Variants in SLC25A13 observed in about 807,000 individuals in gnomAD.
The protein encoded by SLC25A13 is solute carrier family 25 member 13, also known as electrogenic aspartate/glutamate antiporter SLC25A13, mitochondrial.
A neutral mutation model predicts 85.5 loss-of-function variants in SLC25A13; 70 were observed. That is an observed-to-expected ratio of 0.82 (90% CI 0.68 to 1.00). The LOEUF is 1.00. SLC25A13 is among the 50% of genes least tolerant of loss of function. The probability of loss-of-function intolerance (pLI) is 0.00; values close to 1 mark genes in which losing one functional copy is unlikely to be tolerated. For missense variants in SLC25A13, 765 were observed against 819.8 expected (o/e 0.93, Z 0.82); for synonymous variants, 259 against 288.7 (o/e 0.90, Z 1.04).
At chr7:96,236,317 T>A (rs908070200) in intron 3 of SLC25A13, among the ~76,000 whole-genome samples, 1 of 151,552 alleles carries the variant, frequency 6.6e-6, no homozygotes, top group Non-Finnish European at 1.5e-5. Context: ...ACCGAGACTC[T>A]GCGTAGGAGG....
At chr7:96,122,058 G>C in intron 15 of SLC25A13, 61 bp from the exon 16 acceptor site, 1 of 1,604,632 alleles carries the variant, frequency 6.2e-7, no homozygotes, top group South Asian at 1.1e-5. Context: ...AAAAATAACT[G>C]TGCTTTGAAC....
chr7:96,174,320 C>T (rs993911156), intron 11 of SLC25A13, among the ~76,000 whole-genome samples: 4 of 152,158 alleles, frequency 2.6e-5, no homozygotes, highest in Non-Finnish European at 4.4e-5. Context: ...TGAGAAAAAA[C>T]GGGAATATGC....
intron 5 of SLC25A13, among the ~76,000 whole-genome samples, chr7:96,196,725 T>C (rs184943039): frequency 1.3e-4 from 20 of 152,334 alleles, no homozygotes; most frequent in Admixed American, 1.2e-3. Context: ...GCTAGATCTA[T>C]GTAGTTCTCT....
intron 15 of SLC25A13, among the ~76,000 whole-genome samples, chr7:96,129,682 A>C (rs934168010): frequency 1.3e-5 from 2 of 152,230 alleles, no homozygotes; most frequent in Admixed American, 1.3e-4. Flanking sequence ...CTTTTCATCT[A>C]TTAATTCACT....
rs539051018 is a variant in SLC25A13 at position 96,146,473 on chromosome 7, A to G, written c.1452+83T>C. 1.7e-5 allele frequency: 26 copies of G among 1,554,764 alleles called. No individual in the cohort carries two copies. The African/African-American group carries it at 3.0e-4, about 18-fold the overall frequency. On this transcript the variant is annotated intron_variant, in intron 14 of 17. Coordinates refer to ENST00000265631, the MANE Select transcript of SLC25A13 (RefSeq NM_014251.3). ...TCCAGGTGTAGAAATGCAAAAAAAAATGGATTTCATGTTGAAGAATAGTTT... is the reference window on the plus strand; with the variant it reads ...TCCAGGTGTAGAAATGCAAAAAAAAGTGGATTTCATGTTGAAGAATAGTTT...
rs117503247 is a variant in SLC25A13, at chr7:96,313,834, A to C, written c.15+8108T>G. On this transcript the variant is annotated intron_variant, in intron 1 of 17. Transcript: ENST00000265631. ...TAAGACCCTTTGTTAGATTCAGAAA[A>C]AGTGAAAGATTTCTAGATTTTTGCT... 5.8e-3 allele frequency among the ~76,000 whole-genome samples: 886 copies of C among 152,332 alleles called. 8 individuals are homozygous for C. Among genetic ancestry groups the C allele is most frequent in the Admixed American group, 0.015 (234 of 15,292 alleles).
At chr7:96,165,085 C>A (rs904347993) in intron 13 of SLC25A13, among the ~76,000 whole-genome samples, 2 of 152,166 alleles carry the variant, frequency 1.3e-5, no homozygotes, top group Admixed American at 1.3e-4. Flanking sequence ...GGTTACCATG[C>A]AATGCCTGCA....
intron 4 of SLC25A13, among the ~76,000 whole-genome samples, chr7:96,225,175 C>T (rs1339640556): frequency 6.6e-6 from 1 of 152,186 alleles, no homozygotes; most frequent in African/African-American, 2.4e-5. Flanking sequence ...GTAGCTACCA[C>T]CTGGTTCTTC....
chr7:96,284,768 C>T (rs1277932267), intron 2 of SLC25A13, among the ~76,000 whole-genome samples: 2 of 152,174 alleles, frequency 1.3e-5, no homozygotes, highest in African/African-American at 4.8e-5. Context: ...CAATATAAGA[C>T]GAGAATTTGT....
intron 13 of SLC25A13, chr7:96,166,970 A>G (rs1350421970): frequency 6.6e-6 from 1 of 152,232 alleles, no homozygotes; most frequent in Admixed American, 6.5e-5. Flanking sequence ...AACTCCCACA[A>G]CTACAACCCT....
At chr7:96,274,590 A>C (rs1261081362) in intron 3 of SLC25A13, among the ~76,000 whole-genome samples, 1 of 152,138 alleles carries the variant, frequency 6.6e-6, no homozygotes, top group African/African-American at 2.4e-5. Flanking sequence ...GCACATGCCT[A>C]TGTCCTGAAT....
At chr7:96,238,427 G>C (rs1796825247) in intron 3 of SLC25A13, among the ~76,000 whole-genome samples, 1 of 151,600 alleles carries the variant, frequency 6.6e-6, no homozygotes, top group African/African-American at 2.4e-5. Flanking sequence ...GTTTGCGGTA[G>C]AGTACTTTGT....
intron 14 of SLC25A13, among the ~76,000 whole-genome samples, chr7:96,136,209 C>T (rs1440199053): frequency 6.6e-6 from 1 of 152,122 alleles, no homozygotes; most frequent in Non-Finnish European, 1.5e-5. Context: ...TCTAGAAAAG[C>T]TTCTTTAAGG....
At chr7:96,148,260 C>G (rs1378452949) in intron 13 of SLC25A13, among the ~76,000 whole-genome samples, 1 of 152,132 alleles carries the variant, frequency 6.6e-6, no homozygotes, top group South Asian at 2.1e-4. Flanking sequence ...TGAGATGATA[C>G]ACCCACAGGC....
At chr7:96,277,412 GA>G in intron 2 of SLC25A13, 74 bp from the exon 3 acceptor site, 1 of 1,361,612 alleles carries the variant, frequency 7.3e-7, no homozygotes. Context: ...AGTGATATGT[GA>G]AAAAGTTGAA....
chr7:96,169,852 AGG>A (rs988019634), intron 13 of SLC25A13, 191 bp downstream of exon 13: 38 of 616,804 alleles, frequency 6.2e-5, no homozygotes, highest in Admixed American at 1.7e-4. Context: ...ACAGGCAGTA[AGG>A]TCAGAAACAT....
chr7:96,171,649 C>T, intron 11 of SLC25A13, 125 bp from the exon 12 acceptor site: 1 of 779,142 alleles, frequency 1.3e-6, no homozygotes, highest in Non-Finnish European at 2.2e-6. Flanking sequence ...TCTGCTATTA[C>T]CCTTAATGAG....
At chr7:96,279,036 T>C (rs1798565519) in intron 2 of SLC25A13, among the ~76,000 whole-genome samples, 1 of 152,174 alleles carries the variant, frequency 6.6e-6, no homozygotes, top group South Asian at 2.1e-4. Flanking sequence ...AAGCTTTGAA[T>C]ATAACATTTG....
At chr7:96,139,076 G>A (rs1389471195) in intron 14 of SLC25A13, among the ~76,000 whole-genome samples, 1 of 152,130 alleles carries the variant, frequency 6.6e-6, no homozygotes, top group African/African-American at 2.4e-5. Context: ...AACACATCAT[G>A]TGTACTATGT....
Sources: allele counts gnomAD v4.1 joint callset (sites outside exome capture counted in the v4.1 genomes callset), GRCh38; gene constraint gnomAD v4.1.1; transcripts MANE v1.5; gene names NCBI Gene and HGNC (gene_info 2026-07-23, HGNC 2026-07-21).